The following ACSM3 variants were observed in gnomAD, a reference collection of about 807,000 sequenced individuals.
ACSM3 encodes the protein acyl-CoA synthetase medium chain family member 3, also known as acyl-coenzyme A synthetase ACSM3, mitochondrial.
ACSM3 carries 61 observed loss-of-function variants against 74.1 expected under a neutral mutation model. The ratio of observed to expected loss-of-function variants is 0.82; its 90% CI spans 0.67 to 1.02. The LOEUF is 1.02. Ranked by LOEUF, ACSM3 falls within the 50% of genes least tolerant of loss-of-function variation. The pLI is 0.00. For synonymous variants in ACSM3, 213 were observed against 241.5 expected (o/e 0.88, Z 1.09); for missense variants, 660 against 697.0 (o/e 0.95, Z 0.60).
chr16:20,748,502 A>C (rs974515073), intron 1 of ACSM3, among the ~76,000 whole-genome samples: 1 of 152,194 alleles, frequency 6.6e-6, no homozygotes, highest in Non-Finnish European at 1.5e-5. Flanking sequence ...CACAGCATCT[A>C]TCTTAAAAGT....
In ACSM3 at chr16:20,797,382, A is replaced by G; in HGVS notation, c.*410A>G. On this transcript the variant is annotated 3_prime_UTR_variant, in exon 14 of 14. Transcript: ENST00000289416. ...AACTTATAAAAGTTTTTAGAAAAAT[A>G]TAAAATATCAGTTAGAAGATTATGA... 1 of 985,868 alleles carries G rather than the reference A, an allele frequency of 1.0e-6. No homozygotes were observed. Among genetic ancestry groups the G allele is most frequent in the Non-Finnish European group, 1.2e-6 (1 of 824,978 alleles). 61.1% of individuals were successfully genotyped at this position (985,868 alleles called of 1,614,324 possible).
At chr16:20,710,424 C>T (rs1389840240) in intron 1 of ACSM3, among the ~76,000 whole-genome samples, 1 of 152,096 alleles carries the variant, frequency 6.6e-6, no homozygotes, top group East Asian at 1.9e-4. Flanking sequence ...ATATAGTATG[C>T]ATACTATAAA....
At chr16:20,766,277 T>C (rs1442181013) in intron 1 of ACSM3, among the ~76,000 whole-genome samples, 1 of 147,538 alleles carries the variant, frequency 6.8e-6, no homozygotes, top group East Asian at 2.0e-4. Flanking sequence ...ATACAAAAAC[T>C]CAAGTGACCA....
chr16:20,689,605 A>C (rs530387484), intron 1 of ACSM3, among the ~76,000 whole-genome samples: 1 of 152,310 alleles, frequency 6.6e-6, no homozygotes, highest in South Asian at 2.1e-4. Flanking sequence ...TCAATGAAAA[A>C]CTTTTAGAAT....
intron 1 of ACSM3, among the ~76,000 whole-genome samples, chr16:20,748,982 A>G (rs956657335): frequency 5.3e-5 from 8 of 152,072 alleles, no homozygotes; most frequent in Admixed American, 3.9e-4. Context: ...AACCCAGGAA[A>G]TGGAGGTTCA....
rs1451506393 is a variant in ACSM3, at chr16:20,792,064, A to G, written c.1389A>G (p.Gly463=). 28 of 1,614,066 alleles carry G rather than the reference A, an allele frequency of 1.7e-5. No individual in the cohort carries two copies. The highest frequency in any genetic ancestry group is 2.4e-5 in the Non-Finnish European group (28 of 1,180,020). ...RGNFYITGDR[G]YMDKDGYFWF... is the part of the protein sequence containing the mutation. ...ATTTCTATATCACTGGGGACAGAGG[A>G]TATATGGATAAAGATGGGTATTTCT... The change falls in exon 11 of 14, where the codon GGA becomes GGG. Residue 463 remains glycine (G), a synonymous_variant. Transcript: ENST00000289416.
intron 2 of ACSM3, among the ~76,000 whole-genome samples, chr16:20,754,185 TAAG>T (rs1457688407): frequency 6.6e-6 from 1 of 151,984 alleles, no homozygotes; most frequent in Non-Finnish European, 1.5e-5. Flanking sequence ...CTCAGTGAAA[TAAG>T]AGGGGAGAAG....
intron 1 of ACSM3, among the ~76,000 whole-genome samples, chr16:20,707,125 G>A (rs934787086): frequency 6.6e-6 from 1 of 152,050 alleles, no homozygotes; most frequent in African/African-American, 2.4e-5. Flanking sequence ...GCCCAGCCAG[G>A]GAATAGCTGG....
chr16:20,759,131 CT>C (rs34879115), upstream of ACSM3, among the ~76,000 whole-genome samples: 1 of 152,184 alleles, frequency 6.6e-6, no homozygotes, highest in African/African-American at 2.4e-5. Flanking sequence ...AGGGTTAGAA[CT>C]TTCTCTCCCA....
intron 1 of ACSM3, among the ~76,000 whole-genome samples, chr16:20,729,958 A>G (rs1436651470): frequency 6.6e-6 from 1 of 152,142 alleles, no homozygotes; most frequent in Non-Finnish European, 1.5e-5. Context: ...TCAACTCCAG[A>G]CTTACACAGG....
In ACSM3 at chr16:20,701,608, G is replaced by C. The variant is rs147514644; in HGVS notation, c.-190+26786G>C. Among the ~76,000 whole-genome samples the C allele has an allele frequency of 2.4e-3, 372 of 152,244 alleles. 1 individual carries two copies. The highest frequency in any genetic ancestry group is 8.8e-3 in the African/African-American group (365 of 41,552). On this transcript the variant is annotated intron_variant, in intron 1 of 3. Transcript: ENST00000561584. ...GTTACACAGGTATACATGTGCCATG[G>C]TGGTTTGCCGCACCTATCAATCCGT...
chr16:20,723,363 T>C (rs1567324602), intron 1 of ACSM3, among the ~76,000 whole-genome samples: 1 of 152,250 alleles, frequency 6.6e-6, no homozygotes, highest in Non-Finnish European at 1.5e-5. Context: ...TGTGTCTTTA[T>C]AGCAGCATGA....
At chr16:20,752,956 TAAA>T (rs1567337758) in intron 2 of ACSM3, among the ~76,000 whole-genome samples, 3 of 152,192 alleles carry the variant, frequency 2.0e-5, no homozygotes, top group Non-Finnish European at 4.4e-5. Flanking sequence ...AAAAATATGT[TAAA>T]CTCAACCACA....
At chr16:20,746,517 G>GT (rs1236689134) in intron 1 of ACSM3, among the ~76,000 whole-genome samples, 1 of 152,344 alleles carries the variant, frequency 6.6e-6, no homozygotes, top group African/African-American at 2.4e-5. Flanking sequence ...CATAAAATGC[G>GT]TAAGACTGGC....
chr16:20,786,251 A>G (rs2152477351), intron 9 of ACSM3, 93 bp downstream of exon 9: 1 of 1,495,634 alleles, frequency 6.7e-7, no homozygotes, highest in Non-Finnish European at 8.9e-7. Flanking sequence ...CTTTGTTATG[A>G]TGGTGATTCC....
chr16:20,698,564 A>C (rs1005744635), intron 1 of ACSM3, among the ~76,000 whole-genome samples: 4 of 152,122 alleles, frequency 2.6e-5, no homozygotes, highest in Non-Finnish European at 5.9e-5. Flanking sequence ...GCTGGAATGC[A>C]ATGGCATGGT....
chr16:20,718,294 C>G, intron 1 of ACSM3: 2 of 456,136 alleles, frequency 4.4e-6, no homozygotes, highest in Non-Finnish European at 6.9e-6. Flanking sequence ...GAAGAAATAT[C>G]AGAGTTAAAC....
intron 1 of ACSM3, among the ~76,000 whole-genome samples, chr16:20,708,655 T>C (rs533026951): frequency 1.5e-3 from 221 of 152,338 alleles, no homozygotes; most frequent in African/African-American, 5.2e-3. Flanking sequence ...TGTTCATGGA[T>C]TGAAAGAATT....
upstream of ACSM3, among the ~76,000 whole-genome samples, chr16:20,760,320 C>T (rs143516452): frequency 0.02 from 3,108 of 152,138 alleles, 118 homozygotes; most frequent in African/African-American, 0.072. Flanking sequence ...CAATCAAAGA[C>T]TGGAGAGACT....
Sources: gnomAD v4.1 joint callset for allele counts (sites outside exome capture counted in the v4.1 genomes callset) on GRCh38, gnomAD v4.1.1 for gene constraint, MANE v1.5 for transcripts, NCBI Gene and HGNC (gene_info 2026-07-23, HGNC 2026-07-21) for gene names.